The following PCDHGB3 variants were observed in gnomAD, a reference collection of about 807,000 sequenced individuals.
PCDHGB3 encodes the protein protocadherin gamma-B3.
A neutral mutation model predicts 59.2 loss-of-function variants in PCDHGB3; 40 were observed. That is an observed-to-expected ratio of 0.68 (90% CI 0.52 to 0.88). The LOEUF is 0.88. Ranked by LOEUF, PCDHGB3 falls within the 40% of genes least tolerant of loss-of-function variation. PCDHGB3 has a pLI of 0.00. For synonymous variants in PCDHGB3, 581 were observed against 503.6 expected (o/e 1.15, Z -2.06); for missense variants, 1,309 against 1,187.9 (o/e 1.10, Z -1.50).
At chr5:141,492,659 T>C (rs2099742881) in intron 1 of PCDHGB3, among the ~76,000 whole-genome samples, 1 of 152,182 alleles carries the variant, frequency 6.6e-6, no homozygotes, top group Non-Finnish European at 1.5e-5. Context: ...GTCCGGATGG[T>C]CCCGGGACTC....
At position 141,414,671 on chromosome 5, in the gene PCDHGB3, C is replaced by A. The variant is rs115280317; in HGVS notation, c.2415+41862C>A. On this transcript the variant is annotated intron_variant, in intron 1 of 3. Coordinates refer to ENST00000576222, the MANE Select transcript of PCDHGB3 (RefSeq NM_018924.5). ...ATTATTTACTCCCTGGCTGAAGACA[C>A]CATCCAGGGGGTACCTCTGTCCTCA... 857 of 1,613,966 alleles carry A rather than the reference C, an allele frequency of 5.3e-4. 9 individuals carry two copies. In the African/African-American group the frequency reaches 0.01, roughly 19 times the overall value.
At chr5:141,384,265 T>G in intron 1 of PCDHGB3, 1 of 1,613,814 alleles carries the variant, frequency 6.2e-7, no homozygotes, top group Non-Finnish European at 8.5e-7. Context: ...CCCCCACTCA[T>G]CCTACTCAGT....
At chr5:141,400,547 C>A (rs534226736) in intron 1 of PCDHGB3, 12 of 1,613,676 alleles carry the variant, frequency 7.4e-6, no homozygotes, top group African/African-American at 2.7e-5. Flanking sequence ...TATGTCTATT[C>A]TTTTTCATTA....
intron 1 of PCDHGB3, among the ~76,000 whole-genome samples, chr5:141,425,603 A>G (rs2096884807): frequency 6.6e-6 from 1 of 152,218 alleles, no homozygotes; most frequent in Non-Finnish European, 1.5e-5. Context: ...TATGCCCTAT[A>G]TAGCTTTCAG....
chr5:141,398,932 C>T (rs554339110), intron 1 of PCDHGB3: 1 of 1,613,900 alleles, frequency 6.2e-7, no homozygotes, highest in Non-Finnish European at 8.5e-7. Context: ...AGCCACTGAC[C>T]AAGACGAGGG....
At position 141,491,724 on chromosome 5, in the gene PCDHGB3, G is replaced by A; in HGVS notation, c.2416-3083G>A. ...AGGTGAGGGGCTCGGCGCCGCCCCGGGCGACCCCTGGGGGCGGCACTGGAG... is the reference window on the plus strand; with the variant it reads ...AGGTGAGGGGCTCGGCGCCGCCCCGAGCGACCCCTGGGGGCGGCACTGGAG... On this transcript the variant is annotated intron_variant, in intron 1 of 3. Coordinates refer to ENST00000576222, the MANE Select transcript of PCDHGB3 (RefSeq NM_018924.5). This position sits in a 1 kb window ranked among gnomAD's most constrained non-coding sequence, Gnocchi z 6.9. 1 of 1,606,454 alleles carries A rather than the reference G, an allele frequency of 6.2e-7. No individual in the cohort carries two copies. The highest frequency in any genetic ancestry group is 1.1e-5 in the South Asian group (1 of 90,304).
chr5:141,422,472 G>T, intron 1 of PCDHGB3: 2 of 1,613,680 alleles, frequency 1.2e-6, no homozygotes, highest in Non-Finnish European at 1.7e-6. Flanking sequence ...ACAGGGAGTT[G>T]GTCCAGAGCT....
rs944974638 is a variant in PCDHGB3, at chr5:141,393,886, A to C, written c.2415+21077A>C. 3.7e-6 allele frequency: 6 copies of C among 1,614,034 alleles called. No individual in the cohort carries two copies. In the East Asian group the frequency reaches 1.3e-4, roughly 36 times the overall value. On this transcript the variant is annotated intron_variant, in intron 1 of 3. Coordinates refer to ENST00000576222, the MANE Select transcript of PCDHGB3 (RefSeq NM_018924.5). ...ACGTCTTTGTTTAGCCCAGTGTTAG[A>C]AAATTCTCTTCCCGGGACAGTAATT...
At chr5:141,483,797 G>GCTGCTTTT (rs1255394691) in intron 1 of PCDHGB3, among the ~76,000 whole-genome samples, 3 of 152,174 alleles carry the variant, frequency 2.0e-5, no homozygotes, top group Non-Finnish European at 4.4e-5. Context: ...TCCAGTTGTT[G>GCTGCTTTT]CTGCTTTTTT....
At chr5:141,394,610 C>T in intron 1 of PCDHGB3, 1 of 1,613,488 alleles carries the variant, frequency 6.2e-7, no homozygotes, top group African/African-American at 1.3e-5. Flanking sequence ...GAGACTCGGG[C>T]CAGAACGCCT....
intron 1 of PCDHGB3, chr5:141,374,136 C>T (rs769413254): frequency 1.2e-5 from 19 of 1,605,624 alleles, no homozygotes; most frequent in Non-Finnish European, 1.4e-5. Context: ...CTGCTCCTCA[C>T]GCTCCTGGGG....
intron 1 of PCDHGB3, chr5:141,475,966 A>T (rs1252698069): frequency 2.3e-6 from 2 of 888,664 alleles, no homozygotes; most frequent in Admixed American, 5.2e-5. Flanking sequence ...GGGATGAGGC[A>T]GAGACTGAAC....
At chr5:141,393,259 G>A in intron 1 of PCDHGB3, 1 of 1,613,874 alleles carries the variant, frequency 6.2e-7, no homozygotes, top group Non-Finnish European at 8.5e-7. Context: ...GCGGTTCCTG[G>A]AGCACGTTAT....
intron 1 of PCDHGB3, among the ~76,000 whole-genome samples, chr5:141,464,264 AAAAAAAAAAAAAAGC>A (rs974197911): frequency 4.0e-4 from 52 of 130,598 alleles, no homozygotes; most frequent in Non-Finnish European, 6.3e-4. Context: ...GACTCCGTCT[AAAAAAAAAAAAAAGC>A]AAAAAAAAAA....
intron 1 of PCDHGB3, chr5:141,388,359 G>T: frequency 6.2e-7 from 1 of 1,614,026 alleles, no homozygotes; most frequent in South Asian, 1.1e-5. Flanking sequence ...ATCTGCCCAT[G>T]ATGCGGATAT....
rs775212888 is a variant in PCDHGB3, at chr5:141,372,751, C to A, written c.2357C>A (p.Ser786Tyr). Residue 786 changes from serine (S) to tyrosine (Y), a missense_variant, in exon 1 of 4, where the codon TCT becomes TAT. By Grantham distance (144) the Ser-to-Tyr change is moderately radical (BLOSUM62 -2). Coordinates refer to ENST00000576222, the MANE Select transcript of PCDHGB3 (RefSeq NM_018924.5). ...APQDLLCDEA[S>Y]WFESNDNPEM... is the part of the protein sequence containing the mutation. ...CAAGATCTTCTATGTGATGAAGCCTCTTGGTTTGAAAGTAATGACAATCCA... is the reference window on the plus strand; with the variant it reads ...CAAGATCTTCTATGTGATGAAGCCTATTGGTTTGAAAGTAATGACAATCCA... The A allele has an allele frequency of 3.7e-6, 6 of 1,613,192 alleles. No homozygotes were observed. Among genetic ancestry groups the A allele is most frequent in the Non-Finnish European group, 4.2e-6 (5 of 1,179,442 alleles).
chr5:141,384,810 C>A (rs755407612), intron 1 of PCDHGB3: 3 of 1,613,422 alleles, frequency 1.9e-6, no homozygotes, highest in Middle Eastern at 1.7e-4. Flanking sequence ...ACAGAGATGC[C>A]CTCAAGCAGA....
chr5:141,389,442 C>T, intron 1 of PCDHGB3: 2 of 1,610,586 alleles, frequency 1.2e-6, no homozygotes, highest in Non-Finnish European at 1.7e-6. Context: ...CGCCTTCGAC[C>T]ACGAGCAGCT....
intron 1 of PCDHGB3, among the ~76,000 whole-genome samples, chr5:141,457,729 T>A (rs950979422): frequency 2.0e-5 from 3 of 152,236 alleles, no homozygotes; most frequent in Non-Finnish European, 4.4e-5. Context: ...GAATTTCAGA[T>A]TAGACTTTTA....
Sources: gnomAD v4.1 joint callset for allele counts (sites outside exome capture counted in the v4.1 genomes callset) on GRCh38, gnomAD v4.1.1 for gene constraint, Gnocchi (gnomAD v3.1) non-coding constraint, MANE v1.5 for transcripts, NCBI Gene and HGNC (gene_info 2026-07-23, HGNC 2026-07-21) for gene names.